RPGR: variants seen among roughly 807,000 people sequenced by gnomAD.
RPGR encodes X-linked retinitis pigmentosa GTPase regulator.
In RPGR, 10 loss-of-function variants were observed where a neutral mutation model predicts 56.3. That is an observed-to-expected ratio of 0.18 (90% confidence interval 0.11 to 0.30). The LOEUF (loss-of-function observed/expected upper bound fraction) is 0.30. Among genes scored for constraint, RPGR ranks in the 10% least tolerant of loss-of-function variants. RPGR has a pLI of 1.00. For synonymous variants in RPGR, 197 were observed against 212.9 expected (o/e 0.93, Z 0.65); for missense variants, 538 against 590.9 (o/e 0.91, Z 0.93).
chrX:38,281,637 C>T (rs762005151), intron 15 of RPGR, among the ~76,000 whole-genome samples: 94 of 112,081 alleles, frequency 8.4e-4, no homozygotes, highest in Non-Finnish European at 1.6e-3. Flanking sequence ...TAGAGTGATA[C>T]AGGTTACCAT....
chrX:38,320,262 G>C (rs1341014434), intron 4 of RPGR, among the ~76,000 whole-genome samples: 1 of 107,943 alleles, frequency 9.3e-6, no homozygotes, highest in African/African-American at 3.4e-5. Flanking sequence ...CAGAATAAGT[G>C]GTGGTGGGGG....
At chrX:38,311,451 C>T (rs2067716592) in intron 6 of RPGR, among the ~76,000 whole-genome samples, 1 of 111,726 alleles carries the variant, frequency 9.0e-6, no homozygotes, top group South Asian at 3.7e-4. Context: ...AATTTAAAAA[C>T]CTTGTGTAAG....
chrX:38,312,643 T>C (rs1472769969), intron 6 of RPGR, among the ~76,000 whole-genome samples: 2 of 111,371 alleles, frequency 1.8e-5, no homozygotes, highest in African/African-American at 3.3e-5. Flanking sequence ...GACAGCTCTA[T>C]AAAAAAAGTA....
At chrX:38,325,509 G>A (rs1408502535) in intron 1 of RPGR, among the ~76,000 whole-genome samples, 2 of 112,116 alleles carry the variant, frequency 1.8e-5, no homozygotes, top group Non-Finnish European at 3.8e-5. Context: ...CCTGATTTCT[G>A]AGAATTCAGA....
At chrX:38,280,815 G>C (rs2067016250) in intron 15 of RPGR, among the ~76,000 whole-genome samples, 1 of 109,853 alleles carries the variant, frequency 9.1e-6, no homozygotes, top group Admixed American at 9.8e-5. Flanking sequence ...GATTACAGGT[G>C]TGAGTCACCA....
intron 18 of RPGR, among the ~76,000 whole-genome samples, chrX:38,270,196 G>A (rs1369504167): frequency 2.7e-5 from 3 of 110,449 alleles, no homozygotes; most frequent in African/African-American, 9.9e-5. Flanking sequence ...ATCCAGGAGG[G>A]GTCATTTTCA....
chrX:38,299,269 C>G (rs1033686734), intron 9 of RPGR, 128 bp from the exon 10 acceptor site: 14 of 639,364 alleles, frequency 2.2e-5, no homozygotes, highest in African/African-American at 4.4e-5. Context: ...TGGTGAATCT[C>G]TCTGTCTATA....
At chrX:38,272,621 A>G (rs1378383378) in intron 18 of RPGR, 2 of 111,089 alleles carry the variant, frequency 1.8e-5, no homozygotes, top group African/African-American at 6.6e-5. Flanking sequence ...ATACTTAAGC[A>G]TCTCATAGTG....
intron 17 of RPGR, among the ~76,000 whole-genome samples, chrX:38,274,586 G>A (rs190221985): frequency 8.9e-6 from 1 of 112,112 alleles, no homozygotes; most frequent in East Asian, 2.8e-4. Flanking sequence ...AGGCCGAGGC[G>A]GGAGGATCAC....
intron 16 of RPGR, chrX:38,276,487 T>C: frequency 2.4e-6 from 2 of 840,534 alleles, no homozygotes; most frequent in Non-Finnish European, 3.5e-6. Context: ...CATGGGAGTA[T>C]TTCTGATCCC....
At chrX:38,290,398 A>G (rs1304003050) in intron 13 of RPGR, among the ~76,000 whole-genome samples, 2 of 111,830 alleles carry the variant, frequency 1.8e-5, no homozygotes, top group Admixed American at 1.9e-4. Flanking sequence ...TTATTCATTA[A>G]AAGTCTCTCT....
intron 15 of RPGR, chrX:38,279,178 A>C (rs753482205): frequency 1.5e-4 from 48 of 330,001 alleles, no homozygotes; most frequent in Non-Finnish European, 2.5e-4. Flanking sequence ...TTTTAAACTG[A>C]AACAATTTGG....
intron 6 of RPGR, among the ~76,000 whole-genome samples, chrX:38,315,130 G>A (rs2067794530): frequency 9.0e-6 from 1 of 111,353 alleles, no homozygotes; most frequent in Admixed American, 9.6e-5. Context: ...AGAAGTTCAA[G>A]ACCAGCCTGA....
At chrX:38,271,785 T>G (rs1233903122) in intron 18 of RPGR, among the ~76,000 whole-genome samples, 1 of 111,894 alleles carries the variant, frequency 8.9e-6, no homozygotes, top group Admixed American at 9.5e-5. Flanking sequence ...AAAACACATA[T>G]GGAAACTAAT....
At chrX:38,283,575 A>C (rs2067070398) in intron 15 of RPGR, among the ~76,000 whole-genome samples, 1 of 112,296 alleles carries the variant, frequency 8.9e-6, no homozygotes, top group African/African-American at 3.2e-5. Flanking sequence ...TAGGGAGGCC[A>C]GTGTTCTCCA....
In RPGR at chrX:38,294,207, G is replaced by A. The variant is rs775420854; in HGVS notation, c.1415-2723C>T. On this transcript the variant is annotated intron_variant, in intron 11 of 18. Coordinates refer to ENST00000642395, the MANE Select transcript of RPGR (RefSeq NM_000328.3). ...CGGTACTTTGCATTCACGACACTAC[G>A]CTGCCCTAATTTCCCACCTCCTGCC... Among the ~76,000 whole-genome samples, 5 of 111,046 alleles carry A rather than the reference G, an allele frequency of 4.5e-5. No individual in the cohort carries two copies. The South Asian group carries it at 1.1e-3, about 25-fold the overall frequency.
intron 18 of RPGR, among the ~76,000 whole-genome samples, chrX:38,271,223 A>G (rs1441690335): frequency 1.8e-5 from 2 of 112,175 alleles, no homozygotes; most frequent in African/African-American, 3.2e-5. Flanking sequence ...GTGATAATCC[A>G]AAAAGTAAGA....
Position 38,299,151 on chromosome X carries a change from A to G in RPGR, c.1060-10T>C. The G allele has an allele frequency of 8.3e-7, 1 of 1,206,692 alleles. No homozygotes were observed. Among genetic ancestry groups the G allele is most frequent in the African/African-American group, 1.7e-5 (1 of 57,752 alleles). On this transcript the variant is annotated splice_polypyrimidine_tract_variant and intron_variant, in intron 9 of 18. Transcript: ENST00000642395. ...ATCCACCACAAGCAACCTGCAGCAT[A>G]AATCCACAGAAAAACTCATCAACAT...
At chrX:38,294,273 C>T (rs1044205171) in intron 11 of RPGR, among the ~76,000 whole-genome samples, 2 of 111,847 alleles carry the variant, frequency 1.8e-5, no homozygotes, top group Non-Finnish European at 3.8e-5. Context: ...TTTGCTGGCT[C>T]TTCCTTCTCT....
Sources: gnomAD v4.1 joint callset for allele counts (sites outside exome capture counted in the v4.1 genomes callset) on GRCh38, gnomAD v4.1.1 for gene constraint, MANE v1.5 for transcripts, NCBI Gene and HGNC (gene_info 2026-07-23, HGNC 2026-07-21) for gene names.